The following ZNF251 variants were observed in gnomAD, a reference collection of about 807,000 sequenced individuals.
ZNF251 encodes zinc finger protein 251.
Under a neutral mutation model 13.5 loss-of-function variants are expected in ZNF251, and 14 were observed. The ratio of observed to expected loss-of-function variants is 1.04; its 90% CI spans 0.69 to 1.63. The LOEUF (loss-of-function observed/expected upper bound fraction) is 1.63. Among genes scored for constraint, ZNF251 ranks in the 40% most tolerant of loss-of-function variants. ZNF251 has a pLI of 0.00. For synonymous variants in ZNF251, 287 were observed against 295.2 expected (o/e 0.97, Z 0.28); for missense variants, 764 against 834.9 (o/e 0.92, Z 1.05).
intron 4 of ZNF251, among the ~76,000 whole-genome samples, chr8:144,751,000 C>T (rs1824669143): frequency 6.6e-6 from 1 of 152,062 alleles, no homozygotes; most frequent in African/African-American, 2.4e-5. Context: ...CAGGAACCCA[C>T]CACCACGCCC....
At chr8:144,737,389 G>C (rs1358812376) in intron 4 of ZNF251, among the ~76,000 whole-genome samples, 1 of 152,018 alleles carries the variant, frequency 6.6e-6, no homozygotes, top group Non-Finnish European at 1.5e-5. Flanking sequence ...TGAGCCACCT[G>C]GGAGCTACTC....
At position 144,722,143 on chromosome 8, in the gene ZNF251, T is replaced by C; in HGVS notation, c.1517A>G (p.Gln506Arg). Residue 506 changes from glutamine (Q) to arginine (R), a missense_variant, in exon 5 of 5, where the codon CAG (glutamine) becomes CGG (arginine). By Grantham distance (43) the Gln-to-Arg change is conservative. Coordinates refer to ENST00000292562, the MANE Select transcript of ZNF251 (RefSeq NM_138367.2). The surrounding 1 kb of genome is among the most constrained non-coding windows in gnomAD (Gnocchi z 4.8). ...KAFSRRSTLIQHQKVHSGETR... is the reference protein window; with the variant it reads ...KAFSRRSTLIRHQKVHSGETR... ...CTCTCCGCTGTGAACTTTCTGATGC[T>C]GAATGAGGGTTGACCTCCGGCTGAA... 4 of 1,614,200 alleles carry C rather than the reference T, an allele frequency of 2.5e-6. No homozygotes were observed. The highest frequency in any genetic ancestry group is 3.4e-6 in the Non-Finnish European group (4 of 1,180,032).
At chr8:144,738,815 G>C (rs906253438) in intron 4 of ZNF251, 4 of 985,230 alleles carry the variant, frequency 4.1e-6, no homozygotes, top group Non-Finnish European at 4.8e-6. Context: ...GGGGGCACCT[G>C]TTTGTGGAAA....
At chr8:144,729,881 A>G (rs1022583626) in intron 4 of ZNF251, among the ~76,000 whole-genome samples, 2 of 152,134 alleles carry the variant, frequency 1.3e-5, no homozygotes, top group African/African-American at 4.8e-5. Flanking sequence ...AAACCAAAAC[A>G]GATCTCTCAT....
At chr8:144,726,106 A>G (rs1823509421) in intron 4 of ZNF251, among the ~76,000 whole-genome samples, 1 of 146,564 alleles carries the variant, frequency 6.8e-6, no homozygotes, top group African/African-American at 2.5e-5. Context: ...CTGAGACAGG[A>G]GAATTGCCTG....
chr8:144,754,592 G>A (rs1401117634), intron 2 of ZNF251, 104 bp downstream of exon 2: 3 of 1,484,486 alleles, frequency 2.0e-6, no homozygotes, highest in East Asian at 4.9e-5. Context: ...ATGAGCCCCT[G>A]GCTGGCCTTA....
intron 1 of ZNF251, 118 bp downstream of exon 1, chr8:144,755,287 T>C: frequency 2.9e-6 from 3 of 1,020,734 alleles, no homozygotes; most frequent in Non-Finnish European, 3.8e-6. Context: ...CGTCGGTGGC[T>C]CCCGCGGCAC....
At chr8:144,739,051 C>T (rs1275463541) in intron 4 of ZNF251, among the ~76,000 whole-genome samples, 2 of 151,964 alleles carry the variant, frequency 1.3e-5, no homozygotes, top group East Asian at 3.9e-4. Context: ...GGACAGCCCC[C>T]ATCTCATGGG....
At chr8:144,751,983 T>C (rs1824715965) in intron 4 of ZNF251, among the ~76,000 whole-genome samples, 2 of 152,084 alleles carry the variant, frequency 1.3e-5, no homozygotes, top group South Asian at 4.2e-4. Flanking sequence ...TTATCTCTCA[T>C]AATGATAGTC....
At position 144,734,384 on chromosome 8, in the gene ZNF251, C is replaced by G. The variant is rs1043542137; in HGVS notation, c.278-11002G>C. The stretch of plus-strand genomic sequence containing the variant: ...CACGGGTCTAATCCCTGGCACAAAC[C>G]GGCTACGATTGGTGGGCAAAAGCAA... On this transcript the variant is annotated intron_variant, in intron 4 of 4. Coordinates refer to ENST00000292562, the MANE Select transcript of ZNF251 (RefSeq NM_138367.2). This position sits in a 1 kb window ranked among gnomAD's most constrained non-coding sequence, Gnocchi z 4.4. Among the ~76,000 whole-genome samples the G allele has an allele frequency of 6.6e-6, 1 of 152,238 alleles. No individual in the cohort carries two copies. Among genetic ancestry groups the G allele is most frequent in the African/African-American group, 2.4e-5 (1 of 41,468 alleles).
At chr8:144,748,547 T>G (rs1467279712) in intron 4 of ZNF251, among the ~76,000 whole-genome samples, 3 of 152,122 alleles carry the variant, frequency 2.0e-5, no homozygotes, top group Non-Finnish European at 4.4e-5. Flanking sequence ...TGGCAAGATC[T>G]TGTCATGAGA....
intron 4 of ZNF251, among the ~76,000 whole-genome samples, chr8:144,725,943 T>C (rs2129931993): frequency 6.6e-6 from 1 of 152,196 alleles, no homozygotes; most frequent in Middle Eastern, 3.4e-3. Context: ...ACACCTATAA[T>C]CCCAGCACTT....
chr8:144,740,057 G>A (rs925264200), intron 4 of ZNF251, among the ~76,000 whole-genome samples: 4 of 152,136 alleles, frequency 2.6e-5, no homozygotes, highest in Admixed American at 1.3e-4. Flanking sequence ...AGGCCGAGGC[G>A]GGCAGATCAC....
intron 4 of ZNF251, among the ~76,000 whole-genome samples, chr8:144,731,817 A>G (rs1431512900): frequency 1.3e-5 from 2 of 151,704 alleles, no homozygotes; most frequent in East Asian, 3.9e-4. Context: ...CGAACTCCTG[A>G]CTCCAGGTGA....
At chr8:144,747,416 G>C (rs1824480736) in intron 4 of ZNF251, among the ~76,000 whole-genome samples, 1 of 152,210 alleles carries the variant, frequency 6.6e-6, no homozygotes, top group Non-Finnish European at 1.5e-5. Context: ...TGGCAGGAAT[G>C]TGCATTCTGC....
At chr8:144,748,103 T>G (rs1824514764) in intron 4 of ZNF251, among the ~76,000 whole-genome samples, 1 of 151,782 alleles carries the variant, frequency 6.6e-6, no homozygotes, top group African/African-American at 2.4e-5. Flanking sequence ...AGATGGAGTC[T>G]CACTCTGTCG....
intron 4 of ZNF251, chr8:144,730,076 G>A (rs1823648681): frequency 2.0e-6 from 2 of 985,450 alleles, no homozygotes; most frequent in Non-Finnish European, 2.4e-6. Flanking sequence ...GGCAGGCCCA[G>A]CAGTGCCTCT....
chr8:144,751,692 T>C (rs942164015), intron 4 of ZNF251, among the ~76,000 whole-genome samples: 2 of 152,214 alleles, frequency 1.3e-5, no homozygotes, highest in Admixed American at 1.3e-4. Context: ...TAAAATATTA[T>C]GCACAAGTGC....
intron 4 of ZNF251, among the ~76,000 whole-genome samples, chr8:144,740,394 T>A (rs1262871838): frequency 6.6e-6 from 1 of 152,102 alleles, no homozygotes; most frequent in Non-Finnish European, 1.5e-5. Context: ...CCCAGCACTT[T>A]GGGAGGCCGA....
Sources: gnomAD v4.1 joint callset for allele counts (sites outside exome capture counted in the v4.1 genomes callset) on GRCh38, gnomAD v4.1.1 for gene constraint, Gnocchi (gnomAD v3.1) non-coding constraint, MANE v1.5 for transcripts, NCBI Gene and HGNC (gene_info 2026-07-23, HGNC 2026-07-21) for gene names.